The following SPAG6 variants were observed in gnomAD, a reference collection of about 807,000 sequenced individuals.
SPAG6 encodes sperm-associated antigen 6.
SPAG6 carries 49 observed loss-of-function variants against 58.5 expected under a neutral mutation model. The ratio of observed to expected loss-of-function variants is 0.84; its 90% CI spans 0.67 to 1.06. SPAG6 has a LOEUF of 1.06. SPAG6 is among the 50% of genes least tolerant of loss of function. The pLI is 0.00. For missense variants in SPAG6, 560 were observed against 611.3 expected, an observed-to-expected ratio of 0.92 and a Z score of 0.89; for synonymous variants, 233 against 225.6, an observed-to-expected ratio of 1.03 and a Z score of -0.29.
chr10:22,409,444 T>C (rs1285275489), intron 9 of SPAG6, among the ~76,000 whole-genome samples: 2 of 152,214 alleles, frequency 1.3e-5, no homozygotes, highest in African/African-American at 2.4e-5. Context: ...CAGCTCTCTG[T>C]TGAGCATTGG....
At chr10:22,396,297 G>C (rs1229802026) in intron 8 of SPAG6, among the ~76,000 whole-genome samples, 1 of 152,168 alleles carries the variant, frequency 6.6e-6, no homozygotes, top group Admixed American at 6.5e-5. Context: ...TACTGTTCTT[G>C]TGGTAGGGAT....
In SPAG6 at chr10:22,417,228, A is replaced by G. The variant is rs1177518443; in HGVS notation, c.*540A>G. 1 of 152,266 alleles carries G rather than the reference A, an allele frequency of 6.6e-6. No homozygotes were observed. The highest frequency in any genetic ancestry group is 1.5e-5 in the Non-Finnish European group (1 of 68,058). The allele number at this position is 152,266 out of a possible 1,614,324, so 9.4% of individuals were successfully genotyped here. Reference sequence around the variant, plus strand: ...CTCTGTGGGTAACCTGTTAGGTTTTACTAAGAATTTAGGAAAAATTTACTC... The same window carrying G: ...CTCTGTGGGTAACCTGTTAGGTTTTGCTAAGAATTTAGGAAAAATTTACTC... On this transcript the variant is annotated 3_prime_UTR_variant, in exon 11 of 11. Coordinates refer to ENST00000376624, the MANE Select transcript of SPAG6 (RefSeq NM_012443.4).
At chr10:22,380,972 T>C (rs1375310877) in intron 4 of SPAG6, among the ~76,000 whole-genome samples, 2 of 152,176 alleles carry the variant, frequency 1.3e-5, no homozygotes, top group African/African-American at 4.8e-5. Context: ...GATCACTTGT[T>C]TGCTCAAATT....
At chr10:22,396,788 G>A (rs1257501757) in intron 8 of SPAG6, among the ~76,000 whole-genome samples, 4 of 152,060 alleles carry the variant, frequency 2.6e-5, no homozygotes, top group South Asian at 2.1e-4. Context: ...TAGAAATGAC[G>A]GAAAAATGAA....
intron 10 of SPAG6, among the ~76,000 whole-genome samples, chr10:22,416,253 GA>G (rs908219452): frequency 2.3e-4 from 35 of 149,280 alleles, no homozygotes; most frequent in African/African-American, 5.4e-4. Flanking sequence ...TCTAACTTAT[GA>G]AAAAAAAAAT....
At chr10:22,360,882 T>A in intron 2 of SPAG6, 1 of 1,391,136 alleles carries the variant, frequency 7.2e-7, no homozygotes, top group South Asian at 1.2e-5. Flanking sequence ...GAAAAATTTC[T>A]TTTTATTTCC....
intron 10 of SPAG6, among the ~76,000 whole-genome samples, chr10:22,414,885 G>C (rs779460595): frequency 1.3e-5 from 2 of 152,190 alleles, no homozygotes; most frequent in Non-Finnish European, 2.9e-5. Flanking sequence ...TCCTGCCTCA[G>C]CCTCCTGAGT....
At chr10:22,365,445 A>AT (rs1472723106) in intron 3 of SPAG6, among the ~76,000 whole-genome samples, 4 of 152,208 alleles carry the variant, frequency 2.6e-5, no homozygotes, top group African/African-American at 9.7e-5. Flanking sequence ...GAGGAAGAGA[A>AT]TAAGTATGTG....
intron 2 of SPAG6, among the ~76,000 whole-genome samples, chr10:22,352,739 C>T (rs1397318564): frequency 6.6e-6 from 1 of 152,170 alleles, no homozygotes; most frequent in Non-Finnish European, 1.5e-5. Context: ...GAACTCCTGA[C>T]CTCAGGTGAT....
rs1331282113 is a variant in SPAG6, at chr10:22,346,469, CTTCTTCTTCTTCTTCTTCTTCTTCTTCT to C, written c.121+667_121+694del. ...TCTTCTTCTTCTTCTTCTTCTTCTT[CTTCTTCTTCTTCTTCTTCTTCTTCTTCT>C]TTCTTCTTCTTCTTCCTCTTCTTCT... is the stretch of plus-strand genomic sequence containing the variant. On this transcript the variant is annotated intron_variant, in intron 2 of 10. Transcript: ENST00000376624. 1.2e-3 allele frequency among the ~76,000 whole-genome samples: 173 copies of C among 141,252 alleles called. 1 individual carries two copies. Among genetic ancestry groups the C allele is most frequent in the African/African-American group, 5.1e-3 (165 of 32,454 alleles). 92.7% of individuals were successfully genotyped at this position (141,252 alleles called of 152,430 possible). A position where few individuals can be genotyped will look rare whatever the true frequency, so the allele number is the denominator to read the frequency against.
intron 4 of SPAG6, among the ~76,000 whole-genome samples, chr10:22,384,812 T>C (rs1834031301): frequency 6.6e-6 from 1 of 152,200 alleles, no homozygotes; most frequent in Non-Finnish European, 1.5e-5. Context: ...TTTAACATTA[T>C]GTTATTCTAA....
chr10:22,413,319 G>C (rs1834789146), intron 10 of SPAG6, among the ~76,000 whole-genome samples: 1 of 152,064 alleles, frequency 6.6e-6, no homozygotes, highest in Non-Finnish European at 1.5e-5. Flanking sequence ...GGATCACGAG[G>C]TCAGGAGATC....
chr10:22,406,038 A>G (rs934442304), intron 9 of SPAG6, among the ~76,000 whole-genome samples: 4 of 150,564 alleles, frequency 2.7e-5, no homozygotes, highest in African/African-American at 4.9e-5. Flanking sequence ...TTTTTTCTTT[A>G]TTAGTCTTGC....
chr10:22,353,300 G>A (rs1836782820), intron 2 of SPAG6, among the ~76,000 whole-genome samples: 2 of 152,168 alleles, frequency 1.3e-5, no homozygotes, highest in African/African-American at 4.8e-5. Flanking sequence ...ATGTAATTAG[G>A]TATTTACTGT....
At chr10:22,351,716 T>TA (rs1438491691) in intron 2 of SPAG6, among the ~76,000 whole-genome samples, 1 of 152,208 alleles carries the variant, frequency 6.6e-6, no homozygotes, top group Non-Finnish European at 1.5e-5. Context: ...TACATCTTGA[T>TA]AAAAAATTTG....
At chr10:22,363,632 G>T (rs576449388) in intron 2 of SPAG6, among the ~76,000 whole-genome samples, 3 of 152,306 alleles carry the variant, frequency 2.0e-5, no homozygotes, top group Non-Finnish European at 2.9e-5. Flanking sequence ...TAGGTTATTT[G>T]CTAGTACTCT....
intron 4 of SPAG6, among the ~76,000 whole-genome samples, chr10:22,378,965 A>C (rs1490850306): frequency 1.3e-5 from 2 of 152,142 alleles, no homozygotes; most frequent in African/African-American, 4.8e-5. Flanking sequence ...CTTTAAAGCA[A>C]ATGTATGTAT....
intron 4 of SPAG6, among the ~76,000 whole-genome samples, chr10:22,381,680 C>T (rs1833961821): frequency 6.6e-6 from 1 of 152,068 alleles, no homozygotes; most frequent in Non-Finnish European, 1.5e-5. Flanking sequence ...TTACTTTTGT[C>T]TTATTTACCT....
intron 2 of SPAG6, among the ~76,000 whole-genome samples, chr10:22,346,497 T>TTTCTTCTTTCTTC (rs1554776510): frequency 8.5e-4 from 63 of 74,382 alleles, no homozygotes; most frequent in Middle Eastern, 6.4e-3. Flanking sequence ...CTTCTTCTTC[T>TTTCTTCTTTCTTC]TTCTTCTTCT....
Sources: allele counts gnomAD v4.1 joint callset (sites outside exome capture counted in the v4.1 genomes callset), GRCh38; gene constraint gnomAD v4.1.1; transcripts MANE v1.5; gene names NCBI Gene and HGNC (gene_info 2026-07-23, HGNC 2026-07-21).